PTPRD: variants seen among roughly 807,000 people sequenced by gnomAD.
PTPRD encodes the protein protein tyrosine phosphatase receptor type D, also known as receptor-type tyrosine-protein phosphatase delta.
Under a neutral mutation model 214.5 loss-of-function variants are expected in PTPRD, and 34 were observed. The ratio of observed to expected loss-of-function variants is 0.16; its 90% confidence interval spans 0.12 to 0.21. The LOEUF (loss-of-function observed/expected upper bound fraction) is 0.21, where lower values mean the gene tolerates loss of function less well. Among genes scored for constraint, PTPRD ranks in the 10% least tolerant of loss-of-function variants. The pLI is 1.00. For synonymous variants in PTPRD, 1,128 were observed against 845.7 expected (o/e 1.33, Z -5.79); for missense variants, 2,545 against 2,398.7 (o/e 1.06, Z -1.27).
intron 5 of PTPRD, among the ~76,000 whole-genome samples, chr9:9,855,331 G>C (rs540506151): frequency 6.6e-6 from 1 of 152,228 alleles, no homozygotes; most frequent in Admixed American, 6.5e-5. Flanking sequence ...CTTCTCCCCA[G>C]CTGAACTTCA....
intron 11 of PTPRD, among the ~76,000 whole-genome samples, chr9:8,904,989 T>G (rs1200726677): frequency 2.0e-5 from 3 of 152,174 alleles, no homozygotes; most frequent in Non-Finnish European, 4.4e-5. Flanking sequence ...TTGGCAAGAT[T>G]GTAAGAAAAT....
At chr9:10,242,870 T>C (rs1292349695) in intron 3 of PTPRD, among the ~76,000 whole-genome samples, 1 of 151,386 alleles carries the variant, frequency 6.6e-6, no homozygotes, top group Non-Finnish European at 1.5e-5. Context: ...TAACGTATCA[T>C]TGTTCCAGCA....
intron 14 of PTPRD, among the ~76,000 whole-genome samples, chr9:8,579,355 T>A (rs1162529397): frequency 6.6e-6 from 1 of 152,204 alleles, no homozygotes; most frequent in Non-Finnish European, 1.5e-5. Context: ...ATAATAAAAG[T>A]ACTATCCATG....
chr9:8,568,610 T>C (rs780369701), intron 14 of PTPRD, among the ~76,000 whole-genome samples: 22 of 152,152 alleles, frequency 1.4e-4, no homozygotes, highest in Admixed American at 2.6e-4. Context: ...CAGGGCTATA[T>C]GTGTCTGGTA....
In PTPRD at chr9:8,712,348, T is replaced by C. The variant is rs547447731; in HGVS notation, c.64+21432A>G. 2.0e-5 allele frequency among the ~76,000 whole-genome samples: 3 copies of C among 152,324 alleles called. No homozygotes were observed. In the South Asian group the frequency reaches 6.2e-4, roughly 32 times the overall value. On this transcript the variant is annotated intron_variant, in intron 12 of 45. Transcript: ENST00000381196. ...TTACAAATATTTAGCTTACTGTTTA[T>C]CAATTGTGTGTCTTTAATAATGAAC...
rs16929825 is a variant in PTPRD at position 9,586,363 on chromosome 9, A to C, written c.-286-11582T>G. Among the ~76,000 whole-genome samples, 1,330 of 152,122 alleles carry C rather than the reference A, an allele frequency of 8.7e-3. 15 individuals are homozygous for C. The highest frequency in any genetic ancestry group is 0.03 in the African/African-American group (1,261 of 41,532). ...AATACTTACTAATACAAACAAATCTAGTATAATTGGCATAATGGAAATGAT... is the reference window on the plus strand; with the variant it reads ...AATACTTACTAATACAAACAAATCTCGTATAATTGGCATAATGGAAATGAT... On this transcript the variant is annotated intron_variant, in intron 7 of 45. Coordinates refer to ENST00000381196, the MANE Select transcript of PTPRD (RefSeq NM_002839.4).
chr9:9,789,468 A>T (rs989129809), intron 5 of PTPRD, among the ~76,000 whole-genome samples: 5 of 152,132 alleles, frequency 3.3e-5, no homozygotes, highest in African/African-American at 1.2e-4. Flanking sequence ...CACTCTACTG[A>T]GGGGGAGATA....
At chr9:9,601,289 T>C (rs1390891305) in intron 7 of PTPRD, among the ~76,000 whole-genome samples, 1 of 152,008 alleles carries the variant, frequency 6.6e-6, no homozygotes, top group African/African-American at 2.4e-5. Context: ...CTTTGTGAGA[T>C]TTTAAACTTG....
At chr9:10,075,479 T>C (rs944398500) in intron 3 of PTPRD, among the ~76,000 whole-genome samples, 1 of 151,964 alleles carries the variant, frequency 6.6e-6, no homozygotes, top group Non-Finnish European at 1.5e-5. Flanking sequence ...TTGATTTATA[T>C]ACTTTATTAT....
intron 11 of PTPRD, among the ~76,000 whole-genome samples, chr9:8,871,770 G>C (rs1381920078): frequency 1.4e-5 from 2 of 142,342 alleles, no homozygotes; most frequent in African/African-American, 4.9e-5. Flanking sequence ...TTTTACCTTG[G>C]TACAGCAATA....
chr9:8,882,369 G>C (rs1202670935), intron 11 of PTPRD, among the ~76,000 whole-genome samples: 1 of 152,166 alleles, frequency 6.6e-6, no homozygotes, highest in Non-Finnish European at 1.5e-5. Flanking sequence ...AAGCGGTGAA[G>C]TAATTTGTTG....
chr9:10,347,984 G>C (rs1368696175), intron 2 of PTPRD, among the ~76,000 whole-genome samples: 1 of 152,052 alleles, frequency 6.6e-6, no homozygotes, highest in East Asian at 2.0e-4. Flanking sequence ...CTTGAACCCA[G>C]GAGGTGGTGG....
At chr9:8,659,028 C>G (rs2096974043) in intron 12 of PTPRD, among the ~76,000 whole-genome samples, 1 of 151,876 alleles carries the variant, frequency 6.6e-6, no homozygotes, top group Non-Finnish European at 1.5e-5. Flanking sequence ...CCTTAGGAAG[C>G]CTTGAACTTA....
At chr9:10,002,892 A>G (rs1293421941) in intron 4 of PTPRD, among the ~76,000 whole-genome samples, 2 of 151,772 alleles carry the variant, frequency 1.3e-5, no homozygotes, top group African/African-American at 2.4e-5. Flanking sequence ...TCAAGTGCAC[A>G]TGGAACATTC....
chr9:9,629,843 T>G (rs578111730), intron 7 of PTPRD, among the ~76,000 whole-genome samples: 41 of 152,260 alleles, frequency 2.7e-4, no homozygotes, highest in Non-Finnish European at 4.7e-4. Context: ...AAACCAGCAC[T>G]GTATCTCACC....
At chr9:10,269,718 T>G (rs930026597) in intron 3 of PTPRD, among the ~76,000 whole-genome samples, 4 of 152,158 alleles carry the variant, frequency 2.6e-5, no homozygotes, top group Admixed American at 2.6e-4. Context: ...TTACTGGAAC[T>G]TTTTAAGTCA....
intron 12 of PTPRD, among the ~76,000 whole-genome samples, chr9:8,661,946 T>C (rs1190829221): frequency 6.6e-6 from 1 of 152,190 alleles, no homozygotes; most frequent in Non-Finnish European, 1.5e-5. Flanking sequence ...ATTCATTCAT[T>C]CATTCACTCA....
chr9:8,907,526 A>C (rs1382846624), intron 11 of PTPRD, among the ~76,000 whole-genome samples: 24 of 135,352 alleles, frequency 1.8e-4, no homozygotes, highest in African/African-American at 6.2e-4. Context: ...TCAAAAAAAA[A>C]AAAAAAAATA....
At chr9:10,456,004 T>C (rs2098913928) in intron 2 of PTPRD, among the ~76,000 whole-genome samples, 1 of 151,802 alleles carries the variant, frequency 6.6e-6, no homozygotes, top group East Asian at 1.9e-4. Flanking sequence ...GTCTTTGTTA[T>C]AAGCCAACCC....
Sources: allele counts gnomAD v4.1 joint callset (sites outside exome capture counted in the v4.1 genomes callset), GRCh38; gene constraint gnomAD v4.1.1; transcripts MANE v1.5; gene names NCBI Gene and HGNC (gene_info 2026-07-23, HGNC 2026-07-21).